Variants in CFAP70 observed in about 807,000 individuals in gnomAD.
The protein encoded by CFAP70 is cilia and flagella associated protein 70.
In CFAP70, 81 loss-of-function variants were observed where a neutral mutation model predicts 137.6. The observed-to-expected ratio is 0.59, with a 90% CI of 0.49 to 0.71. The LOEUF (loss-of-function observed/expected upper bound fraction) is 0.71, where lower values mean the gene tolerates loss of function less well. Among genes scored for constraint, CFAP70 ranks in the 30% least tolerant of loss-of-function variants. The pLI is 0.00. For missense variants in CFAP70, 976 were observed against 1,226.7 expected (o/e 0.80, Z 3.05); for synonymous variants, 382 against 423.6 (o/e 0.90, Z 1.20).
chr10:73,353,312 C>A (rs1469121575), intron 3 of CFAP70, among the ~76,000 whole-genome samples: 1 of 152,138 alleles, frequency 6.6e-6, no homozygotes, highest in East Asian at 1.9e-4. Context: ...AAAACCCAAG[C>A]CCCTAGGTTT....
chr10:73,286,219 C>T (rs1420798635), intron 19 of CFAP70, among the ~76,000 whole-genome samples: 6 of 151,932 alleles, frequency 3.9e-5, no homozygotes, highest in South Asian at 2.1e-4. Context: ...CCGAGGCGGG[C>T]GGATCATGAT....
chr10:73,336,646 C>T (rs1297719971), intron 6 of CFAP70, among the ~76,000 whole-genome samples: 1 of 145,948 alleles, frequency 6.9e-6, no homozygotes, highest in East Asian at 2.0e-4. Context: ...TGCAGTGGCG[C>T]GATCTCGGCT....
chr10:73,264,925 G>A (rs1354462935), intron 25 of CFAP70, among the ~76,000 whole-genome samples: 1 of 152,166 alleles, frequency 6.6e-6, no homozygotes, highest in African/African-American at 2.4e-5. Context: ...GGACATCACA[G>A]TGTCATCCCT....
chr10:73,288,449 T>G (rs2047913543), intron 19 of CFAP70, among the ~76,000 whole-genome samples: 1 of 152,198 alleles, frequency 6.6e-6, no homozygotes, highest in Non-Finnish European at 1.5e-5. Context: ...GTTCTGTCAA[T>G]GCCATAGACC....
intron 7 of CFAP70, among the ~76,000 whole-genome samples, chr10:73,333,724 C>A (rs1295058082): frequency 1.3e-5 from 2 of 152,096 alleles, no homozygotes; most frequent in Non-Finnish European, 2.9e-5. Context: ...GAGTTTCTGG[C>A]CAGTAGACAT....
chr10:73,319,173 G>A (rs928644693), intron 9 of CFAP70, among the ~76,000 whole-genome samples: 3 of 152,156 alleles, frequency 2.0e-5, no homozygotes, highest in Admixed American at 1.3e-4. Context: ...TAAACATAAC[G>A]TCTTAATATA....
chr10:73,273,592 G>A (rs1356837090), intron 23 of CFAP70, among the ~76,000 whole-genome samples: 1 of 152,148 alleles, frequency 6.6e-6, no homozygotes, highest in African/African-American at 2.4e-5. Flanking sequence ...TGCTTGCCCG[G>A]GGTCTGCCTA....
chr10:73,327,999 T>G (rs1041817825), intron 8 of CFAP70, among the ~76,000 whole-genome samples: 3 of 152,060 alleles, frequency 2.0e-5, no homozygotes, highest in African/African-American at 7.2e-5. Context: ...TTTAAAGTTG[T>G]TATGGAACCA....
chr10:73,326,070 T>A (rs953922143), intron 8 of CFAP70, among the ~76,000 whole-genome samples: 9 of 152,028 alleles, frequency 5.9e-5, no homozygotes, highest in African/African-American at 2.2e-4. Flanking sequence ...ATTCCAAAAT[T>A]GACCACATAG....
At chr10:73,305,305 G>A (rs2049292250) in intron 12 of CFAP70, among the ~76,000 whole-genome samples, 1 of 152,238 alleles carries the variant, frequency 6.6e-6, no homozygotes, top group Admixed American at 6.5e-5. Flanking sequence ...TTATGGTTGA[G>A]ACATATAATA....
At chr10:73,358,210 G>A (rs1358522831) in intron 1 of CFAP70, among the ~76,000 whole-genome samples, 1 of 152,200 alleles carries the variant, frequency 6.6e-6, no homozygotes, top group Admixed American at 6.5e-5. Flanking sequence ...CATATTTACG[G>A]GCCCAGAGTG....
rs562759397 is a variant in CFAP70 at position 73,309,743 on chromosome 10, G to A, written c.1256+415C>T. Among the ~76,000 whole-genome samples, 11 of 149,252 alleles carry A rather than the reference G, an allele frequency of 7.4e-5. No individual in the cohort carries two copies. In the South Asian group the frequency reaches 8.6e-4, roughly 12 times the overall value. On this transcript the variant is annotated intron_variant, in intron 12 of 26. Coordinates refer to ENST00000310715, the Ensembl canonical transcript of CFAP70. ...GCGATCTCGGCTCACTGCAACCTCC[G>A]CCTCCCAGGTTCAAGCAATTCTCCT...
intron 9 of CFAP70, among the ~76,000 whole-genome samples, chr10:73,317,531 G>GTCC: frequency 6.6e-6 from 1 of 152,070 alleles, no homozygotes; most frequent in African/African-American, 2.4e-5. Context: ...TATATATAAT[G>GTCC]TGTATATTTT....
intron 6 of CFAP70, 30 bp downstream of exon 7, chr10:73,341,369 A>G: frequency 1.3e-6 from 2 of 1,561,828 alleles, no homozygotes; most frequent in Non-Finnish European, 1.7e-6. Flanking sequence ...CACTAAGTTT[A>G]TCACAAAAAC....
chr10:73,331,610 A>G (rs1392914559), intron 7 of CFAP70, among the ~76,000 whole-genome samples: 1 of 152,170 alleles, frequency 6.6e-6, no homozygotes, highest in African/African-American at 2.4e-5. Context: ...TGAGCTCAGG[A>G]GGTCAAGGCT....
intron 25 of CFAP70, among the ~76,000 whole-genome samples, chr10:73,257,884 T>TC (rs909962228): frequency 6.7e-6 from 1 of 148,996 alleles, no homozygotes; most frequent in African/African-American, 2.5e-5. Flanking sequence ...TTCTTTTTTT[T>TC]TTTTTTTTTT....
chr10:73,289,073 T>G (rs1296720057), intron 19 of CFAP70, among the ~76,000 whole-genome samples: 1 of 152,170 alleles, frequency 6.6e-6, no homozygotes, highest in Non-Finnish European at 1.5e-5. Flanking sequence ...GTTCTGAAAT[T>G]AACTCTTCTA....
intron 8 of CFAP70, among the ~76,000 whole-genome samples, chr10:73,330,321 G>T (rs562117456): frequency 6.6e-6 from 1 of 151,872 alleles, no homozygotes; most frequent in Non-Finnish European, 1.5e-5. Flanking sequence ...GTGGTGGTGT[G>T]TGCCTATAAT....
intron 25 of CFAP70, among the ~76,000 whole-genome samples, chr10:73,259,581 C>T (rs570202953): frequency 1.3e-5 from 2 of 152,192 alleles, no homozygotes; most frequent in Non-Finnish European, 2.9e-5. Context: ...TTTCCCACAA[C>T]TTTAAAGTTG....
Sources: gnomAD v4.1 joint callset for allele counts (sites outside exome capture counted in the v4.1 genomes callset) on GRCh38, gnomAD v4.1.1 for gene constraint, MANE v1.5 for transcripts, NCBI Gene and HGNC (gene_info 2026-07-23, HGNC 2026-07-21) for gene names.